LRRC4C: variants seen among roughly 807,000 people sequenced by gnomAD.
LRRC4C encodes leucine rich repeat containing 4C, also known as leucine-rich repeat-containing protein 4C.
LRRC4C carries 5 observed loss-of-function variants against 33.6 expected under a neutral mutation model. The observed-to-expected ratio is 0.15, with a 90% CI of 0.08 to 0.31. LRRC4C has a LOEUF of 0.31. LRRC4C is among the 10% of genes least tolerant of loss of function. The pLI, the probability that LRRC4C is intolerant of heterozygous loss-of-function variation, is 1.00. For missense variants in LRRC4C, 560 were observed against 796.7 expected (o/e 0.70, Z 3.58); for synonymous variants, 329 against 302.0 (o/e 1.09, Z -0.93).
chr11:40,333,167 C>T (rs1208042418), intron 3 of LRRC4C, among the ~76,000 whole-genome samples: 1 of 152,084 alleles, frequency 6.6e-6, no homozygotes, highest in African/African-American at 2.4e-5. Context: ...AACTCCTCCT[C>T]TTGCTATAAT....
chr11:40,420,424 C>T (rs1387063759), intron 3 of LRRC4C, among the ~76,000 whole-genome samples: 1 of 152,178 alleles, frequency 6.6e-6, no homozygotes, highest in African/African-American at 2.4e-5. Context: ...ACCCAACTTC[C>T]CTCACGTCTC....
chr11:40,256,688 C>G (rs1867232105), intron 4 of LRRC4C, among the ~76,000 whole-genome samples: 1 of 152,172 alleles, frequency 6.6e-6, no homozygotes, highest in Non-Finnish European at 1.5e-5. Flanking sequence ...ACCCCTTTAT[C>G]TTATCTTCTC....
intron 3 of LRRC4C, among the ~76,000 whole-genome samples, chr11:40,543,757 T>C (rs1462293858): frequency 1.3e-5 from 2 of 152,154 alleles, no homozygotes; most frequent in African/African-American, 4.8e-5. Flanking sequence ...CTTATGGTCT[T>C]GGATTTTATG....
chr11:41,363,176 C>T (rs1952416526), intron 1 of LRRC4C, among the ~76,000 whole-genome samples: 1 of 152,154 alleles, frequency 6.6e-6, no homozygotes, highest in Admixed American at 6.5e-5. Flanking sequence ...TCTCTTTTCT[C>T]TAAGATAATA....
At chr11:40,200,180 T>TAAAAAAAAAA (rs56269292) in intron 5 of LRRC4C, among the ~76,000 whole-genome samples, 1 of 26,046 alleles carries the variant, frequency 3.8e-5, no homozygotes, top group African/African-American at 1.4e-4. Context: ...CTGTCTCCAC[T>TAAAAAAAAAA]AAAAAAAAAA....
intron 1 of LRRC4C, among the ~76,000 whole-genome samples, chr11:41,321,493 T>A (rs1044381695): frequency 2.6e-5 from 4 of 152,186 alleles, no homozygotes; most frequent in African/African-American, 4.8e-5. Context: ...AAAAGGACCG[T>A]AGAATTCAAC....
chr11:41,020,454 G>C (rs1350778654), intron 1 of LRRC4C, among the ~76,000 whole-genome samples: 6 of 152,110 alleles, frequency 3.9e-5, no homozygotes, highest in African/African-American at 1.2e-4. Context: ...CCAATATGCT[G>C]ATGTCCTTGT....
intron 2 of LRRC4C, among the ~76,000 whole-genome samples, chr11:40,860,458 CAGTGGAAACATGTTTCCTCTGAAAT>C: frequency 1.0e-4 from 1 of 9,622 alleles, no homozygotes; most frequent in South Asian, 3.2e-3. Context: ...ATTAAGATGT[CAGTGGAAACATGTTTCCTCTGAAAT>C]CTGTAGCAGA....
rs552684877 is a variant in LRRC4C at position 40,646,112 on chromosome 11, G to A, written c.-270+2030C>T. On this transcript the variant is annotated intron_variant, in intron 3 of 6. Coordinates refer to ENST00000528697, the MANE Select transcript of LRRC4C (RefSeq NM_001258419.2). ...AATTCTGCCTATTGAAATAAATGGT[G>A]TGGTTTCTGTTTCCTGAATGTAACC... Among the ~76,000 whole-genome samples the A allele has an allele frequency of 4.0e-5, 6 of 151,348 alleles. No homozygotes were observed. In the South Asian group the frequency reaches 1.3e-3, roughly 32 times the overall value.
chr11:40,385,084 C>A (rs1949051251), intron 3 of LRRC4C, among the ~76,000 whole-genome samples: 1 of 151,924 alleles, frequency 6.6e-6, no homozygotes, highest in Non-Finnish European at 1.5e-5. Context: ...AGTATAAACA[C>A]TTTTTAACCA....
At chr11:40,921,586 T>C (rs752158078) in intron 2 of LRRC4C, among the ~76,000 whole-genome samples, 2 of 152,170 alleles carry the variant, frequency 1.3e-5, no homozygotes, top group Non-Finnish European at 2.9e-5. Context: ...GACAGGATTA[T>C]AAGATAATCA....
chr11:40,667,880 C>T (rs764803486), intron 2 of LRRC4C, among the ~76,000 whole-genome samples: 69 of 152,334 alleles, frequency 4.5e-4, no homozygotes, highest in Admixed American at 1.6e-3. Context: ...GACTCTGAAT[C>T]CACAGGACTA....
In LRRC4C at chr11:40,342,649, A is replaced by G. The variant is rs1946922489; in HGVS notation, c.-269-22928T>C. On this transcript the variant is annotated intron_variant, in intron 3 of 6. Transcript: ENST00000528697. ...CATAACTACTTTAAAGAAAAATAATACTAATGAAACACTGGCTGGCATAAT... is the reference window on the plus strand; with the variant it reads ...CATAACTACTTTAAAGAAAAATAATGCTAATGAAACACTGGCTGGCATAAT... Among the ~76,000 whole-genome samples, 3 of 152,180 alleles carry G rather than the reference A, an allele frequency of 2.0e-5. 1 individual carries two copies. The East Asian group carries it at 5.8e-4, about 29-fold the overall frequency.
chr11:40,812,279 AACTCTC>A (rs1394142731), intron 2 of LRRC4C, among the ~76,000 whole-genome samples: 7 of 152,090 alleles, frequency 4.6e-5, no homozygotes, highest in African/African-American at 1.7e-4. Context: ...CTGATTTAGC[AACTCTC>A]ACTTGTTATG....
At chr11:41,180,404 A>G (rs1945394964) in intron 1 of LRRC4C, among the ~76,000 whole-genome samples, 1 of 152,164 alleles carries the variant, frequency 6.6e-6, no homozygotes, top group African/African-American at 2.4e-5. Context: ...AAAATTTAAG[A>G]GATTTTATAA....
At chr11:40,965,144 G>GT (rs1485317917) in intron 1 of LRRC4C, among the ~76,000 whole-genome samples, 4 of 152,060 alleles carry the variant, frequency 2.6e-5, no homozygotes, top group South Asian at 2.1e-4. Flanking sequence ...TTTTTCATGT[G>GT]TTTTTTGGCT....
chr11:41,089,124 A>C (rs1460219208), intron 1 of LRRC4C, among the ~76,000 whole-genome samples: 1 of 152,004 alleles, frequency 6.6e-6, no homozygotes, highest in Non-Finnish European at 1.5e-5. Flanking sequence ...TAGGGTCCCC[A>C]TAGACCAGGA....
At chr11:41,384,891 G>T in intron 1 of LRRC4C, among the ~76,000 whole-genome samples, 1 of 147,990 alleles carries the variant, frequency 6.8e-6, no homozygotes, top group Admixed American at 6.7e-5. Flanking sequence ...AAACTTTTTG[G>T]GGAGCTTTTA....
chr11:41,297,558 A>G (rs1180836808), intron 1 of LRRC4C, among the ~76,000 whole-genome samples: 1 of 152,178 alleles, frequency 6.6e-6, no homozygotes, highest in Non-Finnish European at 1.5e-5. Context: ...TTTTTGGCAA[A>G]AACAAACATT....
Sources: gnomAD v4.1 joint callset for allele counts (sites outside exome capture counted in the v4.1 genomes callset) on GRCh38, gnomAD v4.1.1 for gene constraint, MANE v1.5 for transcripts, NCBI Gene and HGNC (gene_info 2026-07-23, HGNC 2026-07-21) for gene names.